Variants in PRKCD observed in about 807,000 individuals in gnomAD.
PRKCD encodes the protein protein kinase C delta, also known as protein kinase C delta type.
Under a neutral mutation model 82.2 loss-of-function variants are expected in PRKCD, and 20 were observed. The ratio of observed to expected loss-of-function variants is 0.24; its 90% CI spans 0.17 to 0.35. The LOEUF is 0.35. Ranked by LOEUF, PRKCD falls within the 10% of genes least tolerant of loss-of-function variation. PRKCD has a pLI of 1.00. For synonymous variants in PRKCD, 317 were observed against 337.0 expected, an observed-to-expected ratio of 0.94 and a Z score of 0.65; for missense variants, 607 against 899.0, an observed-to-expected ratio of 0.68 and a Z score of 4.15.
At chr3:53,187,032 A>G (rs1262468013) in intron 14 of PRKCD, among the ~76,000 whole-genome samples, 2 of 152,110 alleles carry the variant, frequency 1.3e-5, no homozygotes, top group Non-Finnish European at 2.9e-5. Flanking sequence ...CCCCATTCAC[A>G]TGCCCCTTAC....
chr3:53,171,443 C>T (rs146168024), intron 2 of PRKCD, among the ~76,000 whole-genome samples: 2 of 152,234 alleles, frequency 1.3e-5, no homozygotes, highest in East Asian at 1.9e-4. Context: ...CCCCTCAGAT[C>T]GAAGGCCCCC....
At chr3:53,185,092 C>T (rs533821731) in intron 10 of PRKCD, 118 bp downstream of exon 10, 2 of 872,958 alleles carry the variant, frequency 2.3e-6, no homozygotes, top group African/African-American at 1.7e-5. Context: ...CAGGACTCTA[C>T]TTCGGGAAGA....
intron 1 of PRKCD, among the ~76,000 whole-genome samples, chr3:53,162,041 G>C (rs1702684952): frequency 6.6e-6 from 1 of 151,864 alleles, no homozygotes; most frequent in Admixed American, 6.6e-5. Context: ...CGACCCGCGC[G>C]GCGCCTCCTC....
chr3:53,190,483 C>T (rs568775647), intron 18 of PRKCD, among the ~76,000 whole-genome samples: 1 of 152,090 alleles, frequency 6.6e-6, no homozygotes, highest in Non-Finnish European at 1.5e-5. Flanking sequence ...TTGAGTGGGT[C>T]TGTCAGCAGG....
Position 53,188,744 on chromosome 3 carries a change from G to A in PRKCD, c.1440G>A (p.Leu480=). Residue 480 remains leucine (L), a synonymous_variant, in exon 16 of 19, where the codon CTG becomes CTA. Coordinates refer to ENST00000330452, the MANE Select transcript of PRKCD (RefSeq NM_006254.4). ...GGGACCTCAAACTGGACAATGTGCT[G>A]CTGGACCGGGATGGCCACATCAAGA... ...IYRDLKLDNV[L]LDRDGHIKIA... The A allele has an allele frequency of 6.2e-7, 1 of 1,614,216 alleles. No homozygotes were observed. Among genetic ancestry groups the A allele is most frequent in the Non-Finnish European group, 8.5e-7 (1 of 1,180,038 alleles).
chr3:53,189,918 A>G lies in PRKCD; in HGVS notation c.1789A>G (p.Ile597Val). The change falls in exon 18 of 19, where the codon ATC becomes GTC. Residue 597 changes from isoleucine to valine, a missense_variant. By Grantham distance (29) the Ile-to-Val change is conservative (BLOSUM62 3). This residue lies in a region of PRKCD where 251 missense variants were observed against 423.9 expected (regional missense o/e 0.59). Coordinates refer to ENST00000330452, the MANE Select transcript of PRKCD (RefSeq NM_006254.4). ...CAAGAGGCTGGGAGTGACCGGAAAC[A>G]TCAAAATCCACCCCTTCTTCAAGAC... ...PTKRLGVTGNIKIHPFFKTIN... is the reference protein window; with the variant it reads ...PTKRLGVTGNVKIHPFFKTIN... 2 of 1,614,208 alleles carry G rather than the reference A, an allele frequency of 1.2e-6. No homozygotes were observed. The highest frequency in any genetic ancestry group is 2.2e-5 in the South Asian group (2 of 91,082).
Position 53,185,811 on chromosome 3 carries a change from T to C in PRKCD, c.985+111T>C, listed in dbSNP as rs1553668894. The C allele has an allele frequency of 4.0e-6, 6 of 1,517,898 alleles. No homozygotes were observed. In the South Asian group the frequency reaches 5.6e-5, roughly 14 times the overall value. The allele number at this position is 1,517,898 out of a possible 1,614,324, so 94.0% of individuals were successfully genotyped here. Reference sequence around the variant, plus strand: ...GAGACATGGAAGGAACCACCGGTCCTGGGGAGCGAGCCCCTTCCTCTCTGA... The same window carrying C: ...GAGACATGGAAGGAACCACCGGTCCCGGGGAGCGAGCCCCTTCCTCTCTGA... On this transcript the variant is annotated intron_variant, in intron 11 of 18. Coordinates refer to ENST00000330452, the MANE Select transcript of PRKCD (RefSeq NM_006254.4).
chr3:53,181,392 GT>G, intron 5 of PRKCD, 51 bp from the exon 6 acceptor site: 1 of 1,612,468 alleles, frequency 6.2e-7, no homozygotes, highest in Non-Finnish European at 8.5e-7. Flanking sequence ...GACTGTAGGG[GT>G]GCCACCCCTT....
In PRKCD at chr3:53,169,331, G is replaced by A. The variant is rs932381494; in HGVS notation, c.-20+4116G>A. Among the ~76,000 whole-genome samples, 1 of 152,168 alleles carries A rather than the reference G, an allele frequency of 6.6e-6. No homozygotes were observed. The highest frequency in any genetic ancestry group is 2.1e-4 in the South Asian group (1 of 4,832). ...AGTAGAGACGGGAGCCTAAAGCCAG[G>A]ATTGGGGAGGAGAGGGCTCAACAGG... On this transcript the variant is annotated intron_variant, in intron 2 of 18. Coordinates refer to ENST00000330452, the MANE Select transcript of PRKCD (RefSeq NM_006254.4). This position sits in a 1 kb window ranked among gnomAD's most constrained non-coding sequence, Gnocchi z 4.7.
At chr3:53,183,018 G>A in intron 7 of PRKCD, 103 bp from the exon 8 acceptor site, 1 of 1,181,088 alleles carries the variant, frequency 8.5e-7, no homozygotes, top group South Asian at 1.3e-5. Context: ...CAGGAGAACG[G>A]TGGCTTTGTG....
At chr3:53,184,407 G>T (rs1340724314) in intron 9 of PRKCD, among the ~76,000 whole-genome samples, 3 of 151,658 alleles carry the variant, frequency 2.0e-5, no homozygotes, top group African/African-American at 7.3e-5. Flanking sequence ...CGGGCGTGGT[G>T]GCTCACACCT....
intron 2 of PRKCD, among the ~76,000 whole-genome samples, chr3:53,172,812 C>G (rs1553665206): frequency 1.3e-5 from 2 of 152,190 alleles, no homozygotes; most frequent in African/African-American, 4.8e-5. Context: ...ACACACCTCC[C>G]CGCCAGCAGC....
rs144572650 is a variant in PRKCD at position 53,178,490 on chromosome 3, C to T, written c.68C>T (p.Ala23Val). Residue 23 changes from alanine (A) to valine (V), a missense_variant, in exon 3 of 19, where the codon GCG (alanine) becomes GTG (valine). By Grantham distance (64) the Ala-to-Val change is moderately conservative. Transcript: ENST00000330452. ...GGCTCCCTGCAGGCCGAGGACGAGG[C>T]GAACCAGCCCTTCTGTGCCGTGAAG... ...ELGSLQAEDE[A>V]NQPFCAVKMK... 1.9e-4 allele frequency: 305 copies of T among 1,613,144 alleles called. No homozygotes were observed. In the Middle Eastern group the frequency reaches 4.6e-3, roughly 24 times the overall value.
chr3:53,185,545 GGCTGGGA>G, intron 10 of PRKCD, 52 bp from the exon 11 acceptor site: 1 of 1,435,056 alleles, frequency 7.0e-7, no homozygotes, highest in Non-Finnish European at 9.8e-7. Context: ...CTTCCTTCTG[GGCTGGGA>G]GTTCTGATAA....
At chr3:53,171,924 G>C (rs1703043892) in intron 2 of PRKCD, among the ~76,000 whole-genome samples, 1 of 152,120 alleles carries the variant, frequency 6.6e-6, no homozygotes. Flanking sequence ...AATGGGTAGG[G>C]GAGGGACCAG....
In PRKCD at chr3:53,178,439, G is replaced by A. The variant is rs1703296095; in HGVS notation, c.17G>A (p.Arg6His). Residue 6 changes from arginine to histidine, a missense_variant, in exon 3 of 19, where the codon CGC (arginine) becomes CAC (histidine). Physicochemically the swap from Arg to His is conservative, Grantham distance 29. Coordinates refer to ENST00000330452, the MANE Select transcript of PRKCD (RefSeq NM_006254.4). MAPFL[R>H]IAFNSYELGS... ...GGCCCCACCATGGCGCCGTTCCTGC[G>A]CATCGCCTTCAACTCCTATGAGCTG... is the stretch of plus-strand genomic sequence containing the variant. The A allele has an allele frequency of 1.2e-6, 2 of 1,611,824 alleles. No homozygotes were observed. Among genetic ancestry groups the A allele is most frequent in the Non-Finnish European group, 1.7e-6 (2 of 1,179,650 alleles).
Position 53,192,446 on chromosome 3 carries a change from G to T in PRKCD, c.*180G>T. ...TCCTCTGTGAACTGTGTGTGAATCT[G>T]CTTTTCCTCTGCCTTCGGAGGGAAA... is the stretch of plus-strand genomic sequence containing the variant. On this transcript the variant is annotated 3_prime_UTR_variant, in exon 19 of 19. Coordinates refer to ENST00000330452, the MANE Select transcript of PRKCD (RefSeq NM_006254.4). 1 of 592,288 alleles carries T rather than the reference G, an allele frequency of 1.7e-6. No homozygotes were observed. Among genetic ancestry groups the T allele is most frequent in the Non-Finnish European group, 2.9e-6 (1 of 346,406 alleles). 36.7% of individuals were successfully genotyped at this position (592,288 alleles called of 1,614,324 possible). A position where few individuals can be genotyped will look rare whatever the true frequency, so the allele number is the denominator to read the frequency against.
intron 13 of PRKCD, 67 bp downstream of exon 13, chr3:53,186,407 C>T (rs1703691409): frequency 1.9e-6 from 3 of 1,587,206 alleles, no homozygotes; most frequent in East Asian, 4.5e-5. Context: ...CAGCCCCCCT[C>T]AGTCAGGGCT....
At chr3:53,188,186 T>A (rs1377232264) in intron 15 of PRKCD, among the ~76,000 whole-genome samples, 1 of 1,916 alleles carries the variant, frequency 5.2e-4, no homozygotes, top group Non-Finnish European at 6.2e-3. Flanking sequence ...AGACTGTGTC[T>A]CAAAAAAAAA....
Sources: gnomAD v4.1 joint callset for allele counts (sites outside exome capture counted in the v4.1 genomes callset) on GRCh38, gnomAD v4.1.1 for gene constraint, gnomAD v4.1.1 regional missense constraint, Gnocchi (gnomAD v3.1) non-coding constraint, MANE v1.5 for transcripts, NCBI Gene and HGNC (gene_info 2026-07-23, HGNC 2026-07-21) for gene names.